NELL1: variants seen among roughly 807,000 people sequenced by gnomAD.
The protein encoded by NELL1 is protein kinase C-binding protein NELL1.
Under a neutral mutation model 107.4 loss-of-function variants are expected in NELL1, and 76 were observed. The observed-to-expected ratio is 0.71, with a 90% CI of 0.59 to 0.86. The LOEUF is 0.86. NELL1 is among the 40% of genes least tolerant of loss of function. The pLI is 0.00. For missense variants in NELL1, 1,024 were observed against 1,005.5 expected, an observed-to-expected ratio of 1.02 and a Z score of -0.25; for synonymous variants, 353 against 341.2, an observed-to-expected ratio of 1.03 and a Z score of -0.38.
At chr11:20,956,502 C>T (rs950560944) in intron 11 of NELL1, among the ~76,000 whole-genome samples, 17 of 151,782 alleles carry the variant, frequency 1.1e-4, no homozygotes, top group African/African-American at 1.7e-4. Flanking sequence ...AAAAATTAGC[C>T]GGGCATGGTG....
intron 2 of NELL1, among the ~76,000 whole-genome samples, chr11:20,710,782 A>G (rs1276269941): frequency 1.3e-5 from 2 of 151,784 alleles, no homozygotes; most frequent in African/African-American, 4.8e-5. Flanking sequence ...GATTTTATCC[A>G]TCTCCTCTAG....
At chr11:20,756,516 ATTTTTTTT>A (rs753445309) in intron 2 of NELL1, among the ~76,000 whole-genome samples, 14 of 97,322 alleles carry the variant, frequency 1.4e-4, no homozygotes, top group African/African-American at 5.3e-4. Context: ...ATTTTTTGTA[ATTTTTTTT>A]TTTTTTTTTT....
chr11:21,076,632 G>A (rs1400255624), intron 12 of NELL1, among the ~76,000 whole-genome samples: 15 of 152,152 alleles, frequency 9.9e-5, no homozygotes, highest in Admixed American at 6.5e-4. Context: ...TTGGATGCTT[G>A]TGCCCTGAAA....
intron 2 of NELL1, among the ~76,000 whole-genome samples, chr11:20,764,380 T>C (rs2680988): frequency 0.88 from 133,193 of 152,044 alleles, 58,446 homozygotes; most frequent in Middle Eastern, 0.94. Flanking sequence ...TCTATGGCAC[T>C]GTGGACTTGG....
At chr11:20,808,412 C>G (rs1380523745) in intron 3 of NELL1, among the ~76,000 whole-genome samples, 1 of 152,208 alleles carries the variant, frequency 6.6e-6, no homozygotes, top group African/African-American at 2.4e-5. Context: ...CTTCACTCTT[C>G]CATTTCCTCT....
intron 13 of NELL1, among the ~76,000 whole-genome samples, chr11:21,129,894 G>C (rs1314331860): frequency 6.6e-6 from 1 of 152,112 alleles, no homozygotes; most frequent in Non-Finnish European, 1.5e-5. Context: ...CTGAAAAATG[G>C]TTAAGAGAGT....
chr11:20,947,351 A>G lies in NELL1; in HGVS notation c.1087A>G (p.Lys363Glu). The change falls in exon 11 of 20, where the codon AAA becomes GAA. Residue 363 changes from lysine (K) to glutamate (E), a missense_variant. Coordinates refer to ENST00000357134, the MANE Select transcript of NELL1 (RefSeq NM_006157.5). ...TGGCTTCCAGGGTGGAGTTTTAGTA[A>G]AAATTACAGAAATGTGTCCTCCTTT... is the stretch of plus-strand genomic sequence containing the variant. ...CRECRGGVLV[K>E]ITEMCPPLNC... The G allele has an allele frequency of 6.2e-7, 1 of 1,613,872 alleles. No homozygotes were observed. The highest frequency in any genetic ancestry group is 8.5e-7 in the Non-Finnish European group (1 of 1,179,818).
At chr11:20,911,638 A>G (rs1850133699) in intron 5 of NELL1, among the ~76,000 whole-genome samples, 1 of 152,208 alleles carries the variant, frequency 6.6e-6, no homozygotes, top group Non-Finnish European at 1.5e-5. Context: ...TTCAAAGAAT[A>G]GGTGATCCCA....
At chr11:21,103,011 A>G (rs971658593) in intron 12 of NELL1, among the ~76,000 whole-genome samples, 1 of 152,214 alleles carries the variant, frequency 6.6e-6, no homozygotes, top group African/African-American at 2.4e-5. Context: ...AGGACTCTCT[A>G]CATGGCGAAA....
chr11:20,798,578 G>A (rs557320550), intron 3 of NELL1, among the ~76,000 whole-genome samples: 16 of 152,270 alleles, frequency 1.1e-4, no homozygotes, highest in South Asian at 4.1e-4. Flanking sequence ...ACATGCATTC[G>A]TTCATTTGGT....
intron 3 of NELL1, among the ~76,000 whole-genome samples, chr11:20,819,975 T>A (rs775332072): frequency 2.6e-5 from 4 of 152,168 alleles, no homozygotes; most frequent in Non-Finnish European, 4.4e-5. Context: ...TTCAGGAGGA[T>A]CTTTAGTAAG....
intron 13 of NELL1, among the ~76,000 whole-genome samples, chr11:21,115,069 G>A (rs1265299930): frequency 6.6e-6 from 1 of 151,968 alleles, no homozygotes; most frequent in Non-Finnish European, 1.5e-5. Context: ...GCTTGACTTT[G>A]CTCGGATTTC....
chr11:20,856,763 C>G (rs187251704), intron 4 of NELL1, among the ~76,000 whole-genome samples: 197 of 152,298 alleles, frequency 1.3e-3, no homozygotes, highest in Non-Finnish European at 2.4e-3. Context: ...AAGCATAACA[C>G]CACGCTAAGG....
intron 3 of NELL1, among the ~76,000 whole-genome samples, chr11:20,804,485 C>G (rs1184985427): frequency 6.6e-6 from 1 of 152,226 alleles, no homozygotes; most frequent in African/African-American, 2.4e-5. Flanking sequence ...ATGCACCTGC[C>G]TCAGCCTCCC....
intron 14 of NELL1, among the ~76,000 whole-genome samples, chr11:21,319,081 A>G (rs923353502): frequency 7.9e-5 from 12 of 151,970 alleles, no homozygotes; most frequent in African/African-American, 2.4e-4. Context: ...TCAAATTAGA[A>G]TATTCTAAGT....
At chr11:21,040,607 C>G (rs774321249) in intron 12 of NELL1, among the ~76,000 whole-genome samples, 25 of 152,086 alleles carry the variant, frequency 1.6e-4, no homozygotes, top group Non-Finnish European at 3.4e-4. Context: ...TTTATGTCTG[C>G]TTGGACACTG....
At chr11:20,797,248 G>C (rs537319404) in intron 3 of NELL1, among the ~76,000 whole-genome samples, 6 of 152,122 alleles carry the variant, frequency 3.9e-5, no homozygotes, top group Non-Finnish European at 7.4e-5. Flanking sequence ...GGCATGGAGG[G>C]GGCAAAATTG....
intron 2 of NELL1, among the ~76,000 whole-genome samples, chr11:20,741,458 C>T (rs1050827728): frequency 3.3e-5 from 5 of 152,056 alleles, no homozygotes; most frequent in African/African-American, 1.2e-4. Context: ...TTAAACTGAC[C>T]TCCAGGTCTC....
intron 14 of NELL1, among the ~76,000 whole-genome samples, chr11:21,240,529 A>C (rs1858326389): frequency 6.6e-6 from 1 of 152,018 alleles, no homozygotes; most frequent in Non-Finnish European, 1.5e-5. Context: ...TATCTCATCT[A>C]AGTTACCTAG....
Sources: allele counts gnomAD v4.1 joint callset (sites outside exome capture counted in the v4.1 genomes callset), GRCh38; gene constraint gnomAD v4.1.1; transcripts MANE v1.5; gene names NCBI Gene and HGNC (gene_info 2026-07-23, HGNC 2026-07-21).